The following CNNM2 variants were observed in gnomAD, a reference collection of about 807,000 sequenced individuals.
CNNM2 encodes cyclin and CBS domain divalent metal cation transport mediator 2, also known as metal transporter CNNM2.
Under a neutral mutation model 66.9 loss-of-function variants are expected in CNNM2, and 12 were observed. The ratio of observed to expected loss-of-function variants is 0.18; its 90% confidence interval spans 0.11 to 0.29. The LOEUF is 0.29. Ranked by LOEUF, CNNM2 falls within the 10% of genes least tolerant of loss-of-function variation. CNNM2 has a pLI of 1.00. For synonymous variants in CNNM2, 557 were observed against 501.8 expected (o/e 1.11, Z -1.47); for missense variants, 705 against 1,167.7 (o/e 0.60, Z 5.77).
In CNNM2 at chr10:103,080,844, C is replaced by G. The variant is rs2065750922; in HGVS notation, c.*3664C>G. 6.6e-6 allele frequency: 1 copy of G among 152,188 alleles called. No individual in the cohort carries two copies. The highest frequency in any genetic ancestry group is 2.4e-5 in the African/African-American group (1 of 41,440). 9.4% of individuals were successfully genotyped at this position (152,188 alleles called of 1,614,324 possible). A position where few individuals can be genotyped will look rare whatever the true frequency, so the allele number is the denominator to read the frequency against. On this transcript the variant is annotated 3_prime_UTR_variant, in exon 8 of 8. Transcript: ENST00000369878. ...CTAAGCAGGTACCATGAACTTCTGC[C>G]CTCAAATTCTCTCTTTGGGTTGAGG...
intron 1 of CNNM2, among the ~76,000 whole-genome samples, chr10:103,028,829 T>TTTTTTTTTTTTTTTTTTTTTTTC (rs2064764044): frequency 1.0e-4 from 2 of 19,882 alleles, no homozygotes; most frequent in Non-Finnish European, 2.2e-4. Context: ...TTTTTTTTTC[T>TTTTTTTTTTTTTTTTTTTTTTTC]TTTTTTTTTT....
chr10:102,941,048 G>A (rs530943950), intron 1 of CNNM2, among the ~76,000 whole-genome samples: 2 of 152,120 alleles, frequency 1.3e-5, no homozygotes, highest in East Asian at 1.9e-4. Context: ...GATACAGAAT[G>A]TGTGAGCCAT....
intron 1 of CNNM2, among the ~76,000 whole-genome samples, chr10:103,001,835 G>T (rs576319047): frequency 1.1e-4 from 16 of 147,368 alleles, no homozygotes; most frequent in Non-Finnish European, 1.8e-4. Context: ...GAAACCCCCT[G>T]TATACTAAAA....
At chr10:102,986,511 G>A (rs755549974) in intron 1 of CNNM2, among the ~76,000 whole-genome samples, 6 of 152,078 alleles carry the variant, frequency 3.9e-5, no homozygotes, top group Admixed American at 2.6e-4. Context: ...GGCTGGGCGC[G>A]GTGGCTCACG....
intron 1 of CNNM2, among the ~76,000 whole-genome samples, chr10:103,026,134 C>G (rs534128460): frequency 4.3e-4 from 65 of 152,304 alleles, no homozygotes; most frequent in African/African-American, 1.5e-3. Flanking sequence ...CTTGCACTTC[C>G]CAGCCTCCAA....
intron 1 of CNNM2, among the ~76,000 whole-genome samples, chr10:102,976,093 A>G (rs781194457): frequency 1.3e-5 from 2 of 152,172 alleles, no homozygotes; most frequent in Non-Finnish European, 1.5e-5. Flanking sequence ...TGGTGTGTAT[A>G]AAGTCATTGA....
chr10:103,011,294 A>G (rs1011418946), intron 1 of CNNM2, among the ~76,000 whole-genome samples: 11 of 152,058 alleles, frequency 7.2e-5, no homozygotes, highest in Non-Finnish European at 1.2e-4. Flanking sequence ...CTCTACTAAA[A>G]ATACAAAAAT....
chr10:103,005,875 C>T (rs1188781037), intron 1 of CNNM2, among the ~76,000 whole-genome samples: 4 of 152,002 alleles, frequency 2.6e-5, no homozygotes, highest in Non-Finnish European at 5.9e-5. Flanking sequence ...ACCACAGGCA[C>T]ATACCACCAT....
chr10:103,049,133 A>G (rs966256139), intron 1 of CNNM2, among the ~76,000 whole-genome samples: 1 of 152,230 alleles, frequency 6.6e-6, no homozygotes, highest in Non-Finnish European at 1.5e-5. Context: ...AGAGTGAGCC[A>G]TCGCTCCCAG....
At chr10:103,008,608 A>G (rs540491523) in intron 1 of CNNM2, among the ~76,000 whole-genome samples, 4 of 151,864 alleles carry the variant, frequency 2.6e-5, no homozygotes, top group South Asian at 2.1e-4. Flanking sequence ...GCAAAACTGT[A>G]TCTCTACCAA....
chr10:103,041,035 C>CT (rs1052850296), intron 1 of CNNM2, among the ~76,000 whole-genome samples: 1 of 152,108 alleles, frequency 6.6e-6, no homozygotes, highest in Admixed American at 6.6e-5. Context: ...AAGGGACCTG[C>CT]TATCAACAAA....
chr10:102,937,149 T>C (rs1846267476), intron 1 of CNNM2, among the ~76,000 whole-genome samples: 1 of 152,240 alleles, frequency 6.6e-6, no homozygotes, highest in African/African-American at 2.4e-5. Context: ...ACATTTGTTT[T>C]CAAAACATGT....
intron 1 of CNNM2, among the ~76,000 whole-genome samples, chr10:103,015,474 C>CGTT (rs1554899077): frequency 6.6e-6 from 1 of 151,642 alleles, no homozygotes; most frequent in Non-Finnish European, 1.5e-5. Context: ...ATTTATAACA[C>CGTT]TTACAAATTA....
chr10:103,033,293 A>G (rs913041063), intron 1 of CNNM2, among the ~76,000 whole-genome samples: 13 of 151,854 alleles, frequency 8.6e-5, no homozygotes, highest in Non-Finnish European at 1.5e-4. Flanking sequence ...GGTTCAAGCA[A>G]TTCTCCTGCC....
intron 5 of CNNM2, among the ~76,000 whole-genome samples, chr10:103,070,391 A>G (rs1305979189): frequency 3.3e-5 from 5 of 152,212 alleles, no homozygotes; most frequent in Non-Finnish European, 7.3e-5. Flanking sequence ...TTAGAAGACT[A>G]GGATGCAGTG....
At chr10:103,071,635 T>A (rs761034223) in intron 5 of CNNM2, 139 bp from the exon 6 acceptor site, 2 of 770,680 alleles carry the variant, frequency 2.6e-6, no homozygotes, top group African/African-American at 1.7e-5. Context: ...GTTTCTATAA[T>A]ACCATACCGA....
At chr10:102,933,044 A>C (rs1846119211) in intron 1 of CNNM2, among the ~76,000 whole-genome samples, 1 of 152,162 alleles carries the variant, frequency 6.6e-6, no homozygotes. Flanking sequence ...CTTTGTAATA[A>C]GTTTTGAAAT....
At chr10:102,961,055 T>G (rs887623412) in intron 1 of CNNM2, among the ~76,000 whole-genome samples, 4 of 151,982 alleles carry the variant, frequency 2.6e-5, no homozygotes, top group Non-Finnish European at 4.4e-5. Flanking sequence ...TTTTTGTATC[T>G]TCAGTAGATA....
intron 1 of CNNM2, among the ~76,000 whole-genome samples, chr10:102,984,138 A>C (rs1042599490): frequency 2.0e-5 from 3 of 152,232 alleles, no homozygotes; most frequent in African/African-American, 7.2e-5. Flanking sequence ...AAATGAATGC[A>C]TGTAGTTATG....
Sources: gnomAD v4.1 joint callset for allele counts (sites outside exome capture counted in the v4.1 genomes callset) on GRCh38, gnomAD v4.1.1 for gene constraint, MANE v1.5 for transcripts, NCBI Gene and HGNC (gene_info 2026-07-23, HGNC 2026-07-21) for gene names.